The following KDM2B variants were observed in gnomAD, a reference collection of about 807,000 sequenced individuals.
KDM2B encodes lysine demethylase 2B.
In KDM2B, 26 loss-of-function variants were observed where a neutral mutation model predicts 150.0. The ratio of observed to expected loss-of-function variants is 0.17; its 90% CI spans 0.13 to 0.24. The LOEUF (loss-of-function observed/expected upper bound fraction) is 0.24. KDM2B is among the 10% of genes least tolerant of loss of function. The pLI is 1.00. For synonymous variants in KDM2B, 734 were observed against 729.5 expected (o/e 1.01, Z -0.10); for missense variants, 1,265 against 1,816.9 (o/e 0.70, Z 5.52).
At position 121,453,325 on chromosome 12, in the gene KDM2B, G is replaced by A. The variant is rs782478376; in HGVS notation, c.1754C>T (p.Pro585Leu). ...KTPKNRAVGR[P>L]KGKLGPASAV... is the part of the protein sequence containing the mutation. ...GGAGGCCGGGCCCAGCTTCCCCTTGGGCCGACCCACAGCCCGGTTCTGCAG... is the reference window on the plus strand; with the variant it reads ...GGAGGCCGGGCCCAGCTTCCCCTTGAGCCGACCCACAGCCCGGTTCTGCAG... The change falls in exon 13 of 23, where the codon CCC (proline) becomes CTC (leucine). Residue 585 changes from proline to leucine, a missense_variant. By Grantham distance (98) the Pro-to-Leu change is moderately conservative. Transcript: ENST00000377071. This position sits in a 1 kb window ranked among gnomAD's most constrained non-coding sequence, Gnocchi z 6.4. 6 of 1,586,246 alleles carry A rather than the reference G, an allele frequency of 3.8e-6. No individual in the cohort carries two copies. The highest frequency in any genetic ancestry group is 5.1e-6 in the Non-Finnish European group (6 of 1,166,238).
intron 4 of KDM2B, 32 bp downstream of exon 4, chr12:121,574,515 T>A: frequency 6.2e-7 from 1 of 1,610,348 alleles, no homozygotes; most frequent in Non-Finnish European, 8.5e-7. Flanking sequence ...TACTTCAGCA[T>A]GTCTGAGCCA....
chr12:121,553,420 T>A (rs1555312157), intron 4 of KDM2B, among the ~76,000 whole-genome samples: 1 of 152,078 alleles, frequency 6.6e-6, no homozygotes, highest in Admixed American at 6.6e-5. Flanking sequence ...CCCAGAGTCC[T>A]GCAAGTCAGC....
At chr12:121,418,238 G>A in the KDM2B span, 2 of 258,888 alleles carry the variant, frequency 7.7e-6, no homozygotes, top group Non-Finnish European at 1.5e-5. Context: ...CATTTGTAGT[G>A]TTATGTGTTA....
At chr12:121,414,478 G>A in the KDM2B span, among the ~76,000 whole-genome samples, 2 of 152,150 alleles carry the variant, frequency 1.3e-5, no homozygotes, top group African/African-American at 4.8e-5. Flanking sequence ...GGCAGGTATA[G>A]TGATAGCCCT....
chr12:121,409,814 C>CG, the KDM2B span: 1 of 152,042 alleles, frequency 6.6e-6, no homozygotes, highest in South Asian at 2.1e-4. Flanking sequence ...TGAAGGGCAG[C>CG]GGGGGTGGGT....
intron 22 of KDM2B, among the ~76,000 whole-genome samples, chr12:121,431,279 G>C (rs1555285445): frequency 6.9e-6 from 1 of 145,940 alleles, no homozygotes; most frequent in East Asian, 2.0e-4. Context: ...TTATAGGCGT[G>C]TGCCACCATG....
At chr12:121,438,681 C>G (rs1201147742) in intron 22 of KDM2B, among the ~76,000 whole-genome samples, 1 of 152,090 alleles carries the variant, frequency 6.6e-6, no homozygotes, top group Non-Finnish European at 1.5e-5. Flanking sequence ...GCTCCCATGC[C>G]CCTGCTATGA....
At chr12:121,425,927 C>T (rs556398464), downstream of KDM2B, among the ~76,000 whole-genome samples, 2 of 151,956 alleles carry the variant, frequency 1.3e-5, no homozygotes, top group South Asian at 2.1e-4. Context: ...CCACCACGCC[C>T]GGCTAATTTT....
intron 6 of KDM2B, among the ~76,000 whole-genome samples, chr12:121,545,880 A>T (rs1449325841): frequency 1.0e-5 from 1 of 98,092 alleles, no homozygotes; most frequent in African/African-American, 4.1e-5. Context: ...CCTTCCTTCC[A>T]CAGGTCCCCT....
downstream of KDM2B, among the ~76,000 whole-genome samples, chr12:121,425,677 T>C (rs1246266853): frequency 1.3e-5 from 2 of 152,280 alleles, no homozygotes; most frequent in African/African-American, 2.4e-5. Context: ...GCAACCACAA[T>C]TGGTAGTAAC....
At chr12:121,446,204 G>A (rs1037057423) in intron 13 of KDM2B, among the ~76,000 whole-genome samples, 2 of 152,156 alleles carry the variant, frequency 1.3e-5, no homozygotes, top group African/African-American at 4.8e-5. Flanking sequence ...GACCATCCCG[G>A]CTACCACGGT....
At chr12:121,508,006 G>A (rs1885246663) in intron 11 of KDM2B, among the ~76,000 whole-genome samples, 1 of 152,154 alleles carries the variant, frequency 6.6e-6, no homozygotes, top group Non-Finnish European at 1.5e-5. Context: ...GTAACACCCT[G>A]TCTGTCTCAA....
chr12:121,557,519 C>T (rs1225074061), intron 4 of KDM2B, among the ~76,000 whole-genome samples: 2 of 152,088 alleles, frequency 1.3e-5, no homozygotes, highest in Non-Finnish European at 2.9e-5. Context: ...GGATTACAGG[C>T]GTGAGCCACC....
rs991200146 is a variant in KDM2B at position 121,518,140 on chromosome 12, G to A, written c.1047+2845C>T. Among the ~76,000 whole-genome samples the A allele has an allele frequency of 3.9e-5, 6 of 152,058 alleles. No individual in the cohort carries two copies. Among genetic ancestry groups the A allele is most frequent in the African/African-American group, 9.7e-5 (4 of 41,402 alleles). On this transcript the variant is annotated intron_variant, in intron 9 of 22. Transcript: ENST00000377071. This position sits in a 1 kb window ranked among gnomAD's most constrained non-coding sequence, Gnocchi z 4.4. ...ACCCCTGACCTCAGATCATCCGCCC[G>A]CCTTGGCCTCCCAAAGTGCTGGGAT...
At chr12:121,423,403 C>T in the KDM2B span, 2 of 1,608,608 alleles carry the variant, frequency 1.2e-6, no homozygotes, top group Non-Finnish European at 1.7e-6. The surrounding 1 kb of genome is among the most constrained non-coding windows in gnomAD (Gnocchi z 4.3). Context: ...GCGGCTGCAG[C>T]TGCAGGATGA....
intron 11 of KDM2B, among the ~76,000 whole-genome samples, chr12:121,501,545 C>T (rs189022666): frequency 3.7e-4 from 57 of 152,218 alleles, no homozygotes; most frequent in Middle Eastern, 3.4e-3. Flanking sequence ...AGCAGAGCCC[C>T]GCTGACTCTT....
chr12:121,459,378 C>A (rs1472704918), intron 12 of KDM2B, among the ~76,000 whole-genome samples: 1 of 152,104 alleles, frequency 6.6e-6, no homozygotes, highest in East Asian at 1.9e-4. Context: ...CAAATTAACT[C>A]AAAAATGGAT....
intron 4 of KDM2B, among the ~76,000 whole-genome samples, chr12:121,574,175 G>A (rs1444807540): frequency 6.6e-6 from 1 of 152,092 alleles, no homozygotes; most frequent in Non-Finnish European, 1.5e-5. Flanking sequence ...GGAAGCAGGA[G>A]GAACAGCCCC....
chr12:121,483,542 T>C (rs1555298271), intron 12 of KDM2B, among the ~76,000 whole-genome samples: 1 of 151,672 alleles, frequency 6.6e-6, no homozygotes, highest in South Asian at 2.1e-4. Context: ...CTGGGCATGG[T>C]AGTGTGTATC....
Sources: gnomAD v4.1 joint callset for allele counts (sites outside exome capture counted in the v4.1 genomes callset) on GRCh38, gnomAD v4.1.1 for gene constraint, Gnocchi (gnomAD v3.1) non-coding constraint, MANE v1.5 for transcripts, NCBI Gene and HGNC (gene_info 2026-07-23, HGNC 2026-07-21) for gene names.